Variants in HDAC9 observed in about 807,000 individuals in gnomAD.
The protein encoded by HDAC9 is MEF-2 interacting transcription repressor (MITR) protein.
HDAC9 carries 41 observed loss-of-function variants against 139.4 expected under a neutral mutation model. That is an observed-to-expected ratio of 0.29 (90% CI 0.23 to 0.38). HDAC9 has a LOEUF of 0.38. HDAC9 is among the 10% of genes least tolerant of loss of function. The pLI, the probability that HDAC9 is intolerant of heterozygous loss-of-function variation, is 1.00. For synonymous variants in HDAC9, 517 were observed against 476.2 expected (o/e 1.09, Z -1.12); for missense variants, 1,147 against 1,297.0 (o/e 0.88, Z 1.78).
At chr7:18,853,237 TTAAA>T (rs538912698) in intron 21 of HDAC9, among the ~76,000 whole-genome samples, 9 of 152,264 alleles carry the variant, frequency 5.9e-5, no homozygotes, top group Admixed American at 2.0e-4. Context: ...CTTAAAAATA[TTAAA>T]TAAATATGTC....
chr7:18,813,204 C>T (rs1261775598), intron 17 of HDAC9, among the ~76,000 whole-genome samples: 1 of 151,868 alleles, frequency 6.6e-6, no homozygotes, highest in Admixed American at 6.6e-5. Flanking sequence ...AATATTTGAT[C>T]ATCTTCTAGG....
intron 24 of HDAC9, among the ~76,000 whole-genome samples, chr7:18,962,815 T>A (rs1783611678): frequency 6.6e-6 from 1 of 152,188 alleles, no homozygotes; most frequent in African/African-American, 2.4e-5. Context: ...CCTCACATAA[T>A]TCTGCAATAC....
intron 12 of HDAC9, among the ~76,000 whole-genome samples, chr7:18,675,259 A>G (rs906166419): frequency 6.6e-6 from 1 of 152,044 alleles, no homozygotes; most frequent in Non-Finnish European, 1.5e-5. Context: ...AGATCTATGC[A>G]TGGAACTGCC....
chr7:18,444,341 GAAAAAAAAA>G (rs754142568), intron 1 of HDAC9, among the ~76,000 whole-genome samples: 11 of 35,172 alleles, frequency 3.1e-4, no homozygotes, highest in South Asian at 2.5e-3. Flanking sequence ...GACCCTGTCT[GAAAAAAAAA>G]AAAAAAAAAA....
At chr7:18,449,376 C>T (rs1792587813) in intron 1 of HDAC9, among the ~76,000 whole-genome samples, 2 of 152,148 alleles carry the variant, frequency 1.3e-5, no homozygotes, top group South Asian at 4.2e-4. Flanking sequence ...CACAAGAGTG[C>T]CTACTATATG....
intron 2 of HDAC9, among the ~76,000 whole-genome samples, chr7:18,172,016 A>T (rs1355574794): frequency 1.3e-5 from 2 of 152,172 alleles, no homozygotes; most frequent in Non-Finnish European, 2.9e-5. Context: ...TTCAGAAGGA[A>T]TGGTACCAGT....
chr7:18,979,672 G>C (rs1223103746), intron 25 of HDAC9, among the ~76,000 whole-genome samples: 1 of 152,242 alleles, frequency 6.6e-6, no homozygotes, highest in Middle Eastern at 3.4e-3. Flanking sequence ...CATCTGCTTG[G>C]CTTCTCCAGA....
intron 1 of HDAC9, among the ~76,000 whole-genome samples, chr7:18,089,297 C>T (rs904736049): frequency 2.6e-5 from 4 of 152,048 alleles, no homozygotes; most frequent in African/African-American, 7.2e-5. Flanking sequence ...CAGACCAGCA[C>T]TCTGACTAGA....
intron 1 of HDAC9, among the ~76,000 whole-genome samples, chr7:18,126,248 A>G (rs1295807184): frequency 6.6e-6 from 1 of 152,200 alleles, no homozygotes; most frequent in Non-Finnish European, 1.5e-5. Flanking sequence ...ATTACTTTGT[A>G]AAAGATCCTT....
chr7:18,136,203 G>A (rs1252993893), intron 1 of HDAC9, among the ~76,000 whole-genome samples: 1 of 148,862 alleles, frequency 6.7e-6, no homozygotes, highest in East Asian at 2.0e-4. Flanking sequence ...CTGGATATTA[G>A]CCCTTTGTCA....
chr7:18,632,683 G>A (rs1387062910), intron 7 of HDAC9, among the ~76,000 whole-genome samples: 1 of 152,110 alleles, frequency 6.6e-6, no homozygotes, highest in African/African-American at 2.4e-5. Context: ...GGGACATGGT[G>A]TGAGTTATCT....
chr7:18,737,220 T>G (rs1434636545), intron 13 of HDAC9, among the ~76,000 whole-genome samples: 1 of 152,208 alleles, frequency 6.6e-6, no homozygotes, highest in Non-Finnish European at 1.5e-5. Context: ...GGGCTTTTTG[T>G]GTCTCTATCT....
intron 16 of HDAC9, among the ~76,000 whole-genome samples, chr7:18,774,009 A>G (rs1433332491): frequency 1.3e-5 from 2 of 151,970 alleles, no homozygotes; most frequent in Non-Finnish European, 2.9e-5. Context: ...TTCAAAATTC[A>G]AAACCAAAAT....
chr7:18,096,623 T>A (rs1301999609), intron 1 of HDAC9, among the ~76,000 whole-genome samples: 1 of 152,228 alleles, frequency 6.6e-6, no homozygotes, highest in Non-Finnish European at 1.5e-5. Context: ...TTAATGAAAT[T>A]GTAAGCTCCT....
chr7:18,376,817 A>T (rs1249624363), intron 1 of HDAC9, among the ~76,000 whole-genome samples: 1 of 152,162 alleles, frequency 6.6e-6, no homozygotes, highest in Non-Finnish European at 1.5e-5. Context: ...CAGTGTCTTC[A>T]TCAGCTTAGG....
intron 2 of HDAC9, among the ~76,000 whole-genome samples, chr7:18,500,072 G>A (rs1193756811): frequency 6.6e-6 from 1 of 152,028 alleles, no homozygotes; most frequent in African/African-American, 2.4e-5. Flanking sequence ...TAGATGATAG[G>A]TATCAATCAG....
At chr7:18,824,218 A>G (rs915231576) in intron 17 of HDAC9, among the ~76,000 whole-genome samples, 2 of 152,206 alleles carry the variant, frequency 1.3e-5, no homozygotes, top group Non-Finnish European at 2.9e-5. Flanking sequence ...AGCTCTCACC[A>G]GGGAACAAAC....
rs1382855027 is a variant in HDAC9 at position 18,332,390 on chromosome 7, TGTGAGAGA to T, written c.-42+41877_-42+41884del. Among the ~76,000 whole-genome samples, 9 of 120,170 alleles carry T rather than the reference TGTGAGAGA, an allele frequency of 7.5e-5. No individual in the cohort carries two copies. The South Asian group carries it at 2.1e-3, about 29-fold the overall frequency. The allele number at this position is 120,170 out of a possible 152,430, so 78.8% of individuals were successfully genotyped here. ...GTGTGTGTGTGTGTGTGTGTGTGTGTGTGAGAGAGAGAGAGAGAGAGATTTTTACTTTA... is the reference window on the plus strand; with the variant it reads ...GTGTGTGTGTGTGTGTGTGTGTGTGTGAGAGAGAGAGAGATTTTTACTTTA... On this transcript the variant is annotated intron_variant, in intron 1 of 3. Coordinates refer to the HDAC9 transcript ENST00000413509.
At chr7:18,386,511 A>G (rs926841858) in intron 1 of HDAC9, among the ~76,000 whole-genome samples, 1 of 152,164 alleles carries the variant, frequency 6.6e-6, no homozygotes, top group Admixed American at 6.5e-5. Flanking sequence ...TTTGAAGCCA[A>G]AACAACCTGA....
Sources: allele counts gnomAD v4.1 joint callset (sites outside exome capture counted in the v4.1 genomes callset), GRCh38; gene constraint gnomAD v4.1.1; transcripts MANE v1.5; gene names NCBI Gene and HGNC (gene_info 2026-07-23, HGNC 2026-07-21).